Variants in AMZ1 observed in about 807,000 individuals in gnomAD.
AMZ1 encodes the protein archaelysin family metallopeptidase 1.
In AMZ1, 39 loss-of-function variants were observed where a neutral mutation model predicts 29.9. The ratio of observed to expected loss-of-function variants is 1.30; its 90% CI spans 1.01 to 1.70. The LOEUF is 1.70. Among genes scored for constraint, AMZ1 ranks in the 40% most tolerant of loss-of-function variants. The pLI is 0.00. For missense variants in AMZ1, 1,041 were observed against 680.6 expected (o/e 1.53, Z -5.89); for synonymous variants, 458 against 304.0 (o/e 1.51, Z -5.27).
intron 6 of AMZ1, among the ~76,000 whole-genome samples, chr7:2,712,073 C>T (rs931036663): frequency 6.6e-6 from 1 of 151,886 alleles, no homozygotes; most frequent in African/African-American, 2.4e-5. Context: ...GTTAAGTGTT[C>T]TAACTTTGGA....
At chr7:2,707,043 G>A (rs188607045) in intron 3 of AMZ1, among the ~76,000 whole-genome samples, 1 of 152,262 alleles carries the variant, frequency 6.6e-6, no homozygotes, top group East Asian at 1.9e-4. Context: ...GGGAGACCGA[G>A]GCAGACGGAT....
At chr7:2,741,252 G>A (rs1395548536) in intron 4 of AMZ1, among the ~76,000 whole-genome samples, 3 of 152,058 alleles carry the variant, frequency 2.0e-5, no homozygotes, top group Non-Finnish European at 4.4e-5. Context: ...CTACCTGGGA[G>A]GCTGAGGTGG....
chr7:2,760,243 C>G (rs1488756038), upstream of AMZ1: 1 of 152,434 alleles, frequency 6.6e-6, no homozygotes, highest in East Asian at 1.9e-4. Context: ...AGGGCACACC[C>G]CAGCACGAGC....
In AMZ1 at chr7:2,712,553, C is replaced by T. The variant is rs1399068585; in HGVS notation, c.1172C>T (p.Ser391Leu). The part of the protein sequence containing the change: ...PEEGLSYLAA[S>L]EAPLPPGGPA... ...GAAGGGCTGAGCTACCTGGCAGCCT[C>T]AGAGGCTCCGCTGCCACCTGGGGGC... The change falls in exon 7 of 7, where the codon TCA becomes TTA. Residue 391 changes from serine to leucine, a missense_variant. By Grantham distance (145) the Ser-to-Leu change is moderately radical. Transcript: ENST00000683327. 2.5e-6 allele frequency: 4 copies of T among 1,609,874 alleles called. No individual in the cohort carries two copies. In the African/African-American group the frequency reaches 4.0e-5, roughly 16 times the overall value.
At position 2,708,589 on chromosome 7, in the gene AMZ1, C is replaced by CT. The variant is rs1788516457; in HGVS notation, c.474_475insT (p.Gly159TrpfsTer24). On this transcript the variant is annotated frameshift_variant and splice_region_variant, in exon 4 of 7. Transcript: ENST00000683327. LOFTEE classifies it high-confidence loss of function. The stretch of plus-strand genomic sequence containing the variant: ...CATCCTCTGGCCCTCTCCCCGCAGA[C>CT]GGCATCCTGTCCTTCTTGAAGAACA... 8.7e-6 allele frequency: 14 copies of CT among 1,612,316 alleles called. No individual in the cohort carries two copies. Among genetic ancestry groups the CT allele is most frequent in the African/African-American group, 1.3e-5 (1 of 74,920 alleles).
At chr7:2,712,214 C>T (rs543840208) in intron 6 of AMZ1, 116 bp from the exon 7 acceptor site, 236 of 1,143,046 alleles carry the variant, frequency 2.1e-4, no homozygotes, top group Middle Eastern at 9.1e-4. Flanking sequence ...GCCTGACTCC[C>T]GCCCCTGGGT....
Position 2,718,391 on chromosome 7 carries a change from C to T in AMZ1, c.*5513C>T, listed in dbSNP as rs761603198. ...CAACACGTCTTTCTCGAGTCCAAGA[C>T]CATCTCCCGTTCAAGGGCCCTCACC... On this transcript the variant is annotated 3_prime_UTR_variant, in exon 7 of 7. Coordinates refer to ENST00000683327, the MANE Select transcript of AMZ1 (RefSeq NM_001384743.1). Among the ~76,000 whole-genome samples, 2 of 152,214 alleles carry T rather than the reference C, an allele frequency of 1.3e-5. No individual in the cohort carries two copies. Among genetic ancestry groups the T allele is most frequent in the Admixed American group, 6.5e-5 (1 of 15,284 alleles).
At chr7:2,759,790 C>T (rs947758424), upstream of AMZ1, among the ~76,000 whole-genome samples, 3 of 152,178 alleles carry the variant, frequency 2.0e-5, no homozygotes, top group African/African-American at 7.2e-5. Context: ...AAAAACTGTC[C>T]TTAGGGCTGG....
intron 4 of AMZ1, among the ~76,000 whole-genome samples, chr7:2,732,651 G>C (rs1434370376): frequency 6.6e-6 from 1 of 152,200 alleles, no homozygotes; most frequent in Non-Finnish European, 1.5e-5. Flanking sequence ...ACACGGACAT[G>C]ATCATGCCTC....
chr7:2,708,855 G>A, intron 4 of AMZ1, 139 bp downstream of exon 4: 1 of 1,391,232 alleles, frequency 7.2e-7, no homozygotes, highest in African/African-American at 1.4e-5. Flanking sequence ...GGGAATAGAT[G>A]GCCCCTTCCA....
chr7:2,731,753 G>A lies in AMZ1; in HGVS notation n.550+21937G>A. ...TCTTGCTTACTAGGAAAGTAATTCT[G>A]TAAAATACAGGATGAGGCAGAAATT... On this transcript the variant is annotated intron_variant and non_coding_transcript_variant, in intron 4 of 4. Coordinates refer to the AMZ1 transcript ENST00000489665. The surrounding 1 kb of genome is among the most constrained non-coding windows in gnomAD (Gnocchi z 6.0). 6.8e-7 allele frequency: 1 copy of A among 1,477,050 alleles called. No individual in the cohort carries two copies. Among genetic ancestry groups the A allele is most frequent in the Non-Finnish European group, 9.1e-7 (1 of 1,097,038 alleles). 91.5% of individuals were successfully genotyped at this position (1,477,050 alleles called of 1,614,324 possible). A position where few individuals can be genotyped will look rare whatever the true frequency, so the allele number is the denominator to read the frequency against.
chr7:2,708,749 G>A, intron 4 of AMZ1, 33 bp downstream of exon 4: 1 of 1,610,868 alleles, frequency 6.2e-7, no homozygotes, highest in Non-Finnish European at 8.5e-7. Context: ...GTGCGTGGGG[G>A]GTAGCCTGGC....
intron 4 of AMZ1, among the ~76,000 whole-genome samples, chr7:2,757,129 C>CTTTTTTTTTTT (rs71026549): frequency 2.1e-5 from 2 of 93,994 alleles, no homozygotes; most frequent in African/African-American, 8.7e-5. Flanking sequence ...TCAGGTGGGC[C>CTTTTTTTTTTT]TTTTTTTTTT....
At chr7:2,762,932 A>G (rs1791636387), upstream of AMZ1, 2 of 1,398,348 alleles carry the variant, frequency 1.4e-6, no homozygotes, top group Non-Finnish European at 1.9e-6. Context: ...GGGACGCCCC[A>G]GACACTCCCG....
At chr7:2,762,460 A>AGCC, upstream of AMZ1, 1 of 570,912 alleles carries the variant, frequency 1.8e-6, no homozygotes, top group African/African-American at 2.0e-5. Flanking sequence ...TCCAAAGTCC[A>AGCC]GCCTCTGAAC....
chr7:2,749,279 A>G (rs1013352213), intron 4 of AMZ1, among the ~76,000 whole-genome samples: 1 of 152,220 alleles, frequency 6.6e-6, no homozygotes, highest in African/African-American at 2.4e-5. Flanking sequence ...CAACAATGAT[A>G]GACTGGATTA....
chr7:2,685,088 CT>C (rs1787025816), upstream of AMZ1, among the ~76,000 whole-genome samples: 1 of 151,616 alleles, frequency 6.6e-6, no homozygotes, highest in African/African-American at 2.4e-5. Context: ...CCAGGATGGT[CT>C]TGATCTTCTG....
upstream of AMZ1, among the ~76,000 whole-genome samples, chr7:2,687,083 C>A (rs1040790998): frequency 6.6e-6 from 1 of 151,892 alleles, no homozygotes. Context: ...ACTCCCAGCA[C>A]TTTGAGAGGC....
intron 4 of AMZ1, among the ~76,000 whole-genome samples, chr7:2,751,694 C>T (rs1043186770): frequency 3.9e-5 from 6 of 152,160 alleles, no homozygotes; most frequent in Non-Finnish European, 7.3e-5. Flanking sequence ...ACTATAGCTC[C>T]GTCAAACATT....
Sources: allele counts gnomAD v4.1 joint callset (sites outside exome capture counted in the v4.1 genomes callset), GRCh38; gene constraint gnomAD v4.1.1; non-coding constraint Gnocchi (gnomAD v3.1); transcripts MANE v1.5; gene names NCBI Gene and HGNC (gene_info 2026-07-23, HGNC 2026-07-21).